Variants in LY96 observed in about 807,000 individuals in gnomAD.
LY96 encodes lymphocyte antigen 96, also known as myeloid differentiation protein-2.
LY96 carries 18 observed loss-of-function variants against 18.9 expected under a neutral mutation model. That is an observed-to-expected ratio of 0.95 (90% CI 0.66 to 1.41). The LOEUF (loss-of-function observed/expected upper bound fraction) is 1.41, where lower values mean the gene tolerates loss of function less well. Ranked by LOEUF, LY96 falls within the 40% of genes most tolerant of loss-of-function variation. The pLI is 0.00. For synonymous variants in LY96, 66 were observed against 62.6 expected (o/e 1.06, Z -0.26); for missense variants, 175 against 182.4 (o/e 0.96, Z 0.23).
At chr8:74,037,470 A>C in the LY96 span, among the ~76,000 whole-genome samples, 1 of 152,000 alleles carries the variant, frequency 6.6e-6, no homozygotes, top group Non-Finnish European at 1.5e-5. Context: ...CTGTACAAAA[A>C]ATAAAATAAA....
chr8:74,014,492 T>TG (rs1816601376), intron 3 of LY96, among the ~76,000 whole-genome samples: 1 of 151,276 alleles, frequency 6.6e-6, no homozygotes, highest in Non-Finnish European at 1.5e-5. Context: ...AGGTTTTTTT[T>TG]TTTTTTTTTT....
At chr8:74,077,164 C>T in the LY96 span, among the ~76,000 whole-genome samples, 6 of 152,122 alleles carry the variant, frequency 3.9e-5, no homozygotes, top group Non-Finnish European at 8.8e-5. Context: ...GGCACACCAC[C>T]CTCCCAGCAT....
At chr8:74,012,716 A>C (rs1816553980) in intron 3 of LY96, among the ~76,000 whole-genome samples, 2 of 152,180 alleles carry the variant, frequency 1.3e-5, no homozygotes, top group Non-Finnish European at 2.9e-5. Flanking sequence ...AGTTATAAGA[A>C]CAAAATTTAT....
At chr8:74,026,282 G>C (rs552630726) in intron 3 of LY96, among the ~76,000 whole-genome samples, 2 of 152,266 alleles carry the variant, frequency 1.3e-5, no homozygotes, top group Non-Finnish European at 2.9e-5. Flanking sequence ...TTTTGACTCT[G>C]TGCTCCACAG....
the LY96 span, among the ~76,000 whole-genome samples, chr8:74,054,147 G>T: frequency 6.6e-6 from 1 of 152,016 alleles, no homozygotes; most frequent in Non-Finnish European, 1.5e-5. Flanking sequence ...CCCATCTCAG[G>T]CTCCTGAGTA....
chr8:74,096,782 A>C, the LY96 span, among the ~76,000 whole-genome samples: 1 of 152,232 alleles, frequency 6.6e-6, no homozygotes, highest in African/African-American at 2.4e-5. Flanking sequence ...AATGAATGAA[A>C]GAAAGCTATA....
the LY96 span, among the ~76,000 whole-genome samples, chr8:74,041,808 G>A: frequency 1.3e-4 from 20 of 152,196 alleles, no homozygotes; most frequent in Non-Finnish European, 2.5e-4. Flanking sequence ...ATACACAGCT[G>A]AACATAGACC....
chr8:74,053,390 C>T, the LY96 span, among the ~76,000 whole-genome samples: 2 of 152,182 alleles, frequency 1.3e-5, no homozygotes, highest in African/African-American at 4.8e-5. Flanking sequence ...TGAAGCAAGT[C>T]ATTGCATTGA....
chr8:74,046,065 G>A, the LY96 span, among the ~76,000 whole-genome samples: 6 of 152,178 alleles, frequency 3.9e-5, no homozygotes, highest in Non-Finnish European at 5.9e-5. Flanking sequence ...GATCACCTGA[G>A]GTCAGGAGTT....
At chr8:74,070,695 A>G in the LY96 span, among the ~76,000 whole-genome samples, 1 of 152,154 alleles carries the variant, frequency 6.6e-6, no homozygotes, top group East Asian at 1.9e-4. Context: ...TGTTCTTACC[A>G]TCCTGCCTCT....
At chr8:74,045,488 G>A in the LY96 span, among the ~76,000 whole-genome samples, 1 of 152,172 alleles carries the variant, frequency 6.6e-6, no homozygotes, top group Non-Finnish European at 1.5e-5. Flanking sequence ...ATACATTAAT[G>A]AGACACTGTA....
At chr8:74,002,066 C>CTTTCTTTCTTTCTTTCTTTCTTT (rs1563710798) in intron 1 of LY96, among the ~76,000 whole-genome samples, 1 of 22,526 alleles carries the variant, frequency 4.4e-5, no homozygotes, top group Non-Finnish European at 8.0e-5. Flanking sequence ...TTCCTTCCTT[C>CTTTCTTTCTTTCTTTCTTTCTTT]CTTCCTTCCT....
chr8:74,010,068 C>T lies in LY96; in HGVS notation c.270C>T (p.Arg90=). 1 of 1,612,522 alleles carries T rather than the reference C, an allele frequency of 6.2e-7. No homozygotes were observed. Among genetic ancestry groups the T allele is most frequent in the Non-Finnish European group, 8.5e-7 (1 of 1,178,776 alleles). ...ITVNTMNLPK[R]KEVICRGSDD... is the part of the protein sequence containing the mutation. ...TCAACACCATGAATCTTCCAAAGCG[C>T]AAAGAAGTTATTTGCCGAGGATCTG... The change falls in exon 3 of 5, where the codon CGC becomes CGT. Residue 90 remains arginine (R), a synonymous_variant. Transcript: ENST00000284818.
the LY96 span, among the ~76,000 whole-genome samples, chr8:74,046,400 G>A: frequency 6.6e-6 from 1 of 152,112 alleles, no homozygotes; most frequent in South Asian, 2.1e-4. Context: ...TAATTTAATG[G>A]TTACTGAATG....
At chr8:74,035,579 A>T in the LY96 span, among the ~76,000 whole-genome samples, 2 of 152,214 alleles carry the variant, frequency 1.3e-5, no homozygotes, top group Admixed American at 6.5e-5. Flanking sequence ...AGGCAATGAC[A>T]GGAAGGGGGG....
At chr8:74,045,886 G>T in the LY96 span, among the ~76,000 whole-genome samples, 5 of 152,168 alleles carry the variant, frequency 3.3e-5, no homozygotes, top group African/African-American at 1.2e-4. Context: ...GTAACCAGAA[G>T]ACAAGAGAGC....
At chr8:74,075,871 A>G in the LY96 span, among the ~76,000 whole-genome samples, 1 of 152,176 alleles carries the variant, frequency 6.6e-6, no homozygotes, top group Non-Finnish European at 1.5e-5. Context: ...GATTCTCTGG[A>G]AGCAGATGCT....
chr8:74,027,799 A>G (rs1211662559), intron 4 of LY96, among the ~76,000 whole-genome samples: 5 of 152,200 alleles, frequency 3.3e-5, no homozygotes, highest in South Asian at 2.1e-4. Flanking sequence ...CTTTTAATCT[A>G]TAATTAAGGT....
chr8:74,066,545 GA>G, the LY96 span, among the ~76,000 whole-genome samples: 1 of 152,164 alleles, frequency 6.6e-6, no homozygotes, highest in African/African-American at 2.4e-5. Context: ...TTTTGTGGGG[GA>G]TGGGTGTGGA....
Sources: gnomAD v4.1 joint callset for allele counts (sites outside exome capture counted in the v4.1 genomes callset) on GRCh38, gnomAD v4.1.1 for gene constraint, MANE v1.5 for transcripts, NCBI Gene and HGNC (gene_info 2026-07-23, HGNC 2026-07-21) for gene names.